NEURL1: variants seen among roughly 807,000 people sequenced by gnomAD.
NEURL1 encodes the protein neuralized E3 ubiquitin protein ligase 1, also known as E3 ubiquitin-protein ligase NEURL1.
A neutral mutation model predicts 41.2 loss-of-function variants in NEURL1; 26 were observed. The observed-to-expected ratio is 0.63, with a 90% confidence interval of 0.46 to 0.87. NEURL1 has a LOEUF of 0.87. Ranked by LOEUF, NEURL1 falls within the 40% of genes least tolerant of loss-of-function variation. The pLI, the probability that NEURL1 is intolerant of heterozygous loss-of-function variation, is 0.00. For missense variants in NEURL1, 761 were observed against 871.1 expected (o/e 0.87, Z 1.59); for synonymous variants, 400 against 402.3 (o/e 0.99, Z 0.07).
At chr10:103,572,645 A>C (rs2035575502) in intron 3 of NEURL1, among the ~76,000 whole-genome samples, 1 of 152,210 alleles carries the variant, frequency 6.6e-6, no homozygotes, top group African/African-American at 2.4e-5. Flanking sequence ...GTTGGTGGTT[A>C]AGGTAGGACT....
At position 103,566,900 on chromosome 10, in the gene NEURL1, A is replaced by G. The variant is rs2035435557; in HGVS notation, c.86-3972A>G. Among the ~76,000 whole-genome samples, 1 of 152,176 alleles carries G rather than the reference A, an allele frequency of 6.6e-6. No individual in the cohort carries two copies. The highest frequency in any genetic ancestry group is 1.5e-5 in the Non-Finnish European group (1 of 68,032). ...ATATGTATCATAGAGACAACATAAT[A>G]GAATGCCATGTATTGCCCTGTGTGC... On this transcript the variant is annotated intron_variant, in intron 1 of 5. Transcript: ENST00000369780. The surrounding 1 kb of genome is among the most constrained non-coding windows in gnomAD (Gnocchi z 4.2).
intron 1 of NEURL1, among the ~76,000 whole-genome samples, chr10:103,497,136 C>T (rs535958577): frequency 7.2e-5 from 11 of 152,302 alleles, no homozygotes; most frequent in East Asian, 1.9e-4. Context: ...GACTTCTTCC[C>T]GTCTTTCTAC....
intron 1 of NEURL1, among the ~76,000 whole-genome samples, chr10:103,501,462 G>A (rs897961892): frequency 2.0e-5 from 3 of 152,024 alleles, no homozygotes; most frequent in African/African-American, 7.2e-5. Context: ...ACAGCTATGG[G>A]CAGCAGGACC....
chr10:103,549,337 C>T (rs2133867000), intron 1 of NEURL1, among the ~76,000 whole-genome samples: 1 of 152,342 alleles, frequency 6.6e-6, no homozygotes, highest in Non-Finnish European at 1.5e-5. Context: ...GGCACCTGTC[C>T]CAACCCCCGA....
intron 3 of NEURL1, 37 bp downstream of exon 3, chr10:103,571,859 A>C: frequency 6.5e-7 from 1 of 1,546,130 alleles, no homozygotes; most frequent in Non-Finnish European, 8.7e-7. Flanking sequence ...GGTGCAGGGG[A>C]CACCCCTCAG....
Position 103,494,085 on chromosome 10 carries a change from G to A in NEURL1, c.-303G>A. 1 of 267,030 alleles carries A rather than the reference G, an allele frequency of 3.7e-6. No individual in the cohort carries two copies. The highest frequency in any genetic ancestry group is 5.6e-5 in the Admixed American group (1 of 17,784). 16.5% of individuals were successfully genotyped at this position (267,030 alleles called of 1,614,324 possible). Reference sequence around the variant, plus strand: ...ACCCTAGCGTCCCGGGGAGCAAGCGGGGAGCCCCGGGCGTCCCCGGCCCCG... The same window carrying A: ...ACCCTAGCGTCCCGGGGAGCAAGCGAGGAGCCCCGGGCGTCCCCGGCCCCG... On this transcript the variant is annotated 5_prime_UTR_variant, in exon 1 of 6. Transcript: ENST00000369780.
intron 1 of NEURL1, among the ~76,000 whole-genome samples, chr10:103,559,894 G>A (rs1450178041): frequency 1.3e-5 from 2 of 151,812 alleles, no homozygotes; most frequent in East Asian, 1.9e-4. Context: ...ATACACACAT[G>A]CATGCACACA....
intron 1 of NEURL1, among the ~76,000 whole-genome samples, chr10:103,504,290 C>T (rs995961775): frequency 6.6e-6 from 1 of 152,140 alleles, no homozygotes; most frequent in Admixed American, 6.5e-5. Context: ...TGTGCCTGGC[C>T]TGTTGTCATG....
chr10:103,501,377 A>T (rs2033818828), intron 1 of NEURL1, among the ~76,000 whole-genome samples: 2 of 152,076 alleles, frequency 1.3e-5, no homozygotes, highest in South Asian at 4.1e-4. Flanking sequence ...CCACGCTGAA[A>T]GGGCTGGGCG....
At chr10:103,517,009 C>T (rs558152857) in intron 1 of NEURL1, among the ~76,000 whole-genome samples, 231 of 143,676 alleles carry the variant, frequency 1.6e-3, no homozygotes, top group Non-Finnish European at 1.9e-3. Context: ...CTCCATCCTT[C>T]CTCCCTCCCT....
rs1288270866 is a variant in NEURL1, at chr10:103,584,876, G to A, written c.990G>A (p.Arg330=). The A allele has an allele frequency of 1.4e-6, 2 of 1,424,870 alleles. No individual in the cohort carries two copies. Among genetic ancestry groups the A allele is most frequent in the South Asian group, 1.4e-5 (1 of 69,446 alleles). The allele number at this position is 1,424,870 out of a possible 1,614,324, so 88.3% of individuals were successfully genotyped here. ...RDERALVFTS[R]PVRVAETIFV... Reference sequence around the variant, plus strand: ...AGCGCGCGCTCGTCTTCACCAGCCGGCCCGTGCGCGTGGCCGAGACCATCT... The same window carrying A: ...AGCGCGCGCTCGTCTTCACCAGCCGACCCGTGCGCGTGGCCGAGACCATCT... Residue 330 remains arginine (R), a synonymous_variant, in exon 4 of 6, where the codon CGG becomes CGA. Transcript: ENST00000369780.
intron 1 of NEURL1, among the ~76,000 whole-genome samples, chr10:103,500,964 G>A (rs2033809119): frequency 6.6e-6 from 1 of 152,154 alleles, no homozygotes; most frequent in South Asian, 2.1e-4. Flanking sequence ...CTCCTCAGAG[G>A]AGGAGAGCCC....
At chr10:103,519,295 G>T (rs370561728) in intron 1 of NEURL1, among the ~76,000 whole-genome samples, 23 of 152,170 alleles carry the variant, frequency 1.5e-4, no homozygotes, top group African/African-American at 5.3e-4. Flanking sequence ...TTTAAAAAAT[G>T]AACTTTTATA....
At chr10:103,514,380 G>A (rs534029150) in intron 1 of NEURL1, among the ~76,000 whole-genome samples, 5 of 152,156 alleles carry the variant, frequency 3.3e-5, no homozygotes, top group Non-Finnish European at 7.4e-5. Context: ...GCCATGGACC[G>A]CGTCCCCGGG....
chr10:103,501,264 T>G (rs979237597), intron 1 of NEURL1, among the ~76,000 whole-genome samples: 1 of 152,170 alleles, frequency 6.6e-6, no homozygotes, highest in Non-Finnish European at 1.5e-5. Flanking sequence ...TGATTTTATT[T>G]CAACAGCACC....
At chr10:103,523,696 T>G in intron 1 of NEURL1, among the ~76,000 whole-genome samples, 1 of 152,048 alleles carries the variant, frequency 6.6e-6, no homozygotes, top group South Asian at 2.1e-4. Context: ...GAACATTTGC[T>G]ATTTATCTTT....
Position 103,589,553 on chromosome 10 carries a change from C to A in NEURL1, c.1379C>A (p.Pro460His), listed in dbSNP as rs1001512796. ...GCCGAGCGGGGTATCCCATCACTCCCCTGCTCCCCTGCCTCCACGCCAACC... is the reference window on the plus strand; with the variant it reads ...GCCGAGCGGGGTATCCCATCACTCCACTGCTCCCCTGCCTCCACGCCAACC... ...ILAERGIPSL[P>H]CSPASTPTSP... Residue 460 changes from proline (P) to histidine (H), a missense_variant, in exon 5 of 6, where the codon CCC becomes CAC. Pro to His is a moderately conservative substitution (Grantham distance 77, BLOSUM62 -2). This residue lies in a region of NEURL1 where 443 missense variants were observed against 408.1 expected (regional missense o/e 1.09). Transcript: ENST00000369780. 15 of 1,613,820 alleles carry A rather than the reference C, an allele frequency of 9.3e-6. No individual in the cohort carries two copies. Among genetic ancestry groups the A allele is most frequent in the Non-Finnish European group, 1.3e-5 (15 of 1,179,874 alleles).
intron 1 of NEURL1, among the ~76,000 whole-genome samples, chr10:103,554,383 C>T (rs1285826783): frequency 6.6e-6 from 1 of 152,210 alleles, no homozygotes. Context: ...GTGGTGAATG[C>T]TCCCAAGTGC....
chr10:103,522,027 C>T (rs916463510), intron 1 of NEURL1, among the ~76,000 whole-genome samples: 4 of 151,796 alleles, frequency 2.6e-5, no homozygotes, highest in African/African-American at 9.7e-5. Flanking sequence ...TGGGCAGGGG[C>T]AGGGGTCACA....
Sources: allele counts gnomAD v4.1 joint callset (sites outside exome capture counted in the v4.1 genomes callset), GRCh38; gene constraint gnomAD v4.1.1; regional missense constraint gnomAD v4.1.1; non-coding constraint Gnocchi (gnomAD v3.1); transcripts MANE v1.5; gene names NCBI Gene and HGNC (gene_info 2026-07-23, HGNC 2026-07-21).